GALNT13: variants seen among roughly 807,000 people sequenced by gnomAD.
The protein encoded by GALNT13 is UDP-GalNAc:polypeptide N-acetylgalactosaminyltransferase 13.
In GALNT13, 28 loss-of-function variants were observed where a neutral mutation model predicts 64.2. The ratio of observed to expected loss-of-function variants is 0.44; its 90% CI spans 0.32 to 0.60. GALNT13 has a LOEUF of 0.60. Ranked by LOEUF, GALNT13 falls within the 20% of genes least tolerant of loss-of-function variation. The probability of loss-of-function intolerance (pLI) is 0.05; values close to 1 mark genes in which losing one functional copy is unlikely to be tolerated. For synonymous variants in GALNT13, 214 were observed against 224.6 expected, an observed-to-expected ratio of 0.95 and a Z score of 0.42; for missense variants, 577 against 669.8, an observed-to-expected ratio of 0.86 and a Z score of 1.53.
At chr2:153,343,329 T>C in the GALNT13 span, among the ~76,000 whole-genome samples, 1 of 152,170 alleles carries the variant, frequency 6.6e-6, no homozygotes, top group Non-Finnish European at 1.5e-5. Flanking sequence ...TAAAATATTA[T>C]TGAACAATGG....
At chr2:153,730,041 C>T in the GALNT13 span, among the ~76,000 whole-genome samples, 1 of 151,754 alleles carries the variant, frequency 6.6e-6, no homozygotes, top group East Asian at 1.9e-4. Context: ...TTCAGTGCAA[C>T]ACCTATCAAA....
the GALNT13 span, among the ~76,000 whole-genome samples, chr2:153,114,802 A>T: frequency 1.3e-5 from 2 of 152,044 alleles, no homozygotes; most frequent in Non-Finnish European, 2.9e-5. Context: ...TTTCAACAGT[A>T]ATCACTACTA....
chr2:153,515,107 A>G, the GALNT13 span, among the ~76,000 whole-genome samples: 2 of 151,994 alleles, frequency 1.3e-5, no homozygotes, highest in Non-Finnish European at 2.9e-5. Flanking sequence ...ATGTTGGGGG[A>G]GGGAGGGATA....
chr2:153,332,066 TTCTG>T, the GALNT13 span, among the ~76,000 whole-genome samples: 1 of 152,216 alleles, frequency 6.6e-6, no homozygotes, highest in Non-Finnish European at 1.5e-5. Context: ...TGTTTGGATT[TTCTG>T]TCTGTTTTTT....
chr2:153,070,821 C>T, the GALNT13 span, among the ~76,000 whole-genome samples: 6 of 152,102 alleles, frequency 3.9e-5, no homozygotes, highest in South Asian at 2.1e-4. Context: ...TGTTTGGAAT[C>T]GCCTTTGTTA....
chr2:154,297,295 T>TA (rs940883144), intron 8 of GALNT13, among the ~76,000 whole-genome samples: 1 of 152,152 alleles, frequency 6.6e-6, no homozygotes, highest in African/African-American at 2.4e-5. Context: ...AATTGACAGA[T>TA]AAGAGATGCT....
chr2:153,970,426 C>T (rs917600578), intron 3 of GALNT13, among the ~76,000 whole-genome samples: 1 of 152,156 alleles, frequency 6.6e-6, no homozygotes, highest in African/African-American at 2.4e-5. Flanking sequence ...TTTGCAGGTT[C>T]CCTGTCTTCA....
At chr2:154,060,602 C>T (rs1034605101) in intron 3 of GALNT13, among the ~76,000 whole-genome samples, 4 of 152,082 alleles carry the variant, frequency 2.6e-5, no homozygotes, top group African/African-American at 4.8e-5. Context: ...GTGATTTCCC[C>T]GGCCTAGGGC....
At chr2:154,374,832 A>G (rs182613038) in intron 9 of GALNT13, among the ~76,000 whole-genome samples, 137 of 152,328 alleles carry the variant, frequency 9.0e-4, no homozygotes, top group Non-Finnish European at 1.5e-3. Context: ...CTTGTTTTAA[A>G]TATCTTTCAA....
chr2:154,172,842 G>A (rs1395801541), intron 4 of GALNT13, among the ~76,000 whole-genome samples: 1 of 151,754 alleles, frequency 6.6e-6, no homozygotes, highest in African/African-American at 2.4e-5. Flanking sequence ...AAAATTGATA[G>A]ATATTCTATG....
chr2:154,115,772 C>A (rs1238951288), intron 3 of GALNT13, among the ~76,000 whole-genome samples: 1 of 152,072 alleles, frequency 6.6e-6, no homozygotes, highest in Non-Finnish European at 1.5e-5. Context: ...TGCAGAGTCC[C>A]TACTTAGTGG....
the GALNT13 span, among the ~76,000 whole-genome samples, chr2:153,630,104 T>A: frequency 3.3e-5 from 5 of 150,292 alleles, no homozygotes; most frequent in East Asian, 9.9e-4. Flanking sequence ...TCCTCAGGGA[T>A]CTAGAACTAG....
At chr2:154,199,889 T>G (rs1400187637) in intron 4 of GALNT13, among the ~76,000 whole-genome samples, 2 of 152,054 alleles carry the variant, frequency 1.3e-5, no homozygotes, top group Non-Finnish European at 2.9e-5. Context: ...ATAATCAAGG[T>G]TTGGATTGAA....
At chr2:154,390,859 G>A (rs707049) in intron 9 of GALNT13, among the ~76,000 whole-genome samples, 50,074 of 152,008 alleles carry the variant, frequency 0.33, 8,514 homozygotes, top group South Asian at 0.41. Flanking sequence ...TTGCCACAGC[G>A]TGTGTCACCT....
At chr2:153,609,134 G>T in the GALNT13 span, among the ~76,000 whole-genome samples, 28 of 151,746 alleles carry the variant, frequency 1.8e-4, no homozygotes, top group African/African-American at 6.5e-4. Context: ...TAGAACTGGG[G>T]TTTCACCATG....
At chr2:153,816,479 G>A in the GALNT13 span, among the ~76,000 whole-genome samples, 11 of 152,170 alleles carry the variant, frequency 7.2e-5, no homozygotes, top group Non-Finnish European at 1.5e-4. Context: ...GACATATTTA[G>A]CTTTTAGCTT....
At chr2:153,493,488 A>G in the GALNT13 span, among the ~76,000 whole-genome samples, 3 of 152,172 alleles carry the variant, frequency 2.0e-5, no homozygotes, top group East Asian at 5.8e-4. Flanking sequence ...ATTTCGTTTT[A>G]AATCAAAAAG....
At chr2:153,133,343 G>A in the GALNT13 span, among the ~76,000 whole-genome samples, 1 of 152,114 alleles carries the variant, frequency 6.6e-6, no homozygotes, top group East Asian at 1.9e-4. Flanking sequence ...CCTATGCACT[G>A]GGAGGATGGG....
At chr2:153,386,272 G>A in the GALNT13 span, among the ~76,000 whole-genome samples, 49 of 152,022 alleles carry the variant, frequency 3.2e-4, no homozygotes, top group Middle Eastern at 3.4e-3. Flanking sequence ...CATTTCTAAG[G>A]CTTTCTCTTT....
Sources: gnomAD v4.1 joint callset for allele counts (sites outside exome capture counted in the v4.1 genomes callset) on GRCh38, gnomAD v4.1.1 for gene constraint, MANE v1.5 for transcripts, NCBI Gene and HGNC (gene_info 2026-07-23, HGNC 2026-07-21) for gene names.